Variants in MAPK4 observed in about 807,000 individuals in gnomAD.
MAPK4 encodes the protein mitogen-activated protein kinase 4.
In MAPK4, 22 loss-of-function variants were observed where a neutral mutation model predicts 47.7. The ratio of observed to expected loss-of-function variants is 0.46; its 90% confidence interval spans 0.33 to 0.66. The LOEUF is 0.66. Ranked by LOEUF, MAPK4 falls within the 30% of genes least tolerant of loss-of-function variation. The pLI is 0.02. For synonymous variants in MAPK4, 390 were observed against 365.7 expected (o/e 1.07, Z -0.76); for missense variants, 736 against 831.7 (o/e 0.88, Z 1.42).
At chr18:50,568,192 T>TC (rs1171611152) in intron 1 of MAPK4, among the ~76,000 whole-genome samples, 3 of 139,132 alleles carry the variant, frequency 2.2e-5, no homozygotes, top group Admixed American at 1.5e-4. Flanking sequence ...CCAGACGCTG[T>TC]CCCAAAAAAA....
At chr18:50,710,343 C>G (rs936577004) in intron 2 of MAPK4, among the ~76,000 whole-genome samples, 1 of 152,004 alleles carries the variant, frequency 6.6e-6, no homozygotes, top group African/African-American at 2.4e-5. Flanking sequence ...ATTAGCCAAG[C>G]GTGGTGGCGT....
chr18:50,638,184 T>C (rs918909936), intron 1 of MAPK4, among the ~76,000 whole-genome samples: 1 of 142,112 alleles, frequency 7.0e-6, no homozygotes, highest in South Asian at 2.1e-4. Context: ...TTGGGTGGAA[T>C]CTGTCTGTTT....
At chr18:50,606,130 G>A (rs1048657114) in intron 1 of MAPK4, among the ~76,000 whole-genome samples, 10 of 152,054 alleles carry the variant, frequency 6.6e-5, no homozygotes, top group Non-Finnish European at 1.3e-4. Flanking sequence ...GAATGGGAAC[G>A]TGCCCTGGAG....
At chr18:50,711,424 C>T (rs1910355174) in intron 2 of MAPK4, among the ~76,000 whole-genome samples, 1 of 152,252 alleles carries the variant, frequency 6.6e-6, no homozygotes, top group African/African-American at 2.4e-5. Flanking sequence ...AGGGGCCACT[C>T]CCATCTTGTT....
intron 2 of MAPK4, among the ~76,000 whole-genome samples, chr18:50,684,298 G>A (rs1908746519): frequency 1.3e-5 from 2 of 152,114 alleles, no homozygotes; most frequent in Non-Finnish European, 2.9e-5. Flanking sequence ...TAATCCTAGT[G>A]CTTTGGGACG....
chr18:50,608,062 C>G (rs540945977), intron 1 of MAPK4, among the ~76,000 whole-genome samples: 1 of 152,178 alleles, frequency 6.6e-6, no homozygotes, highest in Non-Finnish European at 1.5e-5. Flanking sequence ...ATACCTTTCC[C>G]TAATCAAAAA....
At chr18:50,639,902 G>T (rs896085879) in intron 1 of MAPK4, among the ~76,000 whole-genome samples, 1 of 152,162 alleles carries the variant, frequency 6.6e-6, no homozygotes, top group East Asian at 1.9e-4. Flanking sequence ...TATACTCTTC[G>T]CTCGTTAATA....
chr18:50,650,102 T>A (rs972179292), intron 1 of MAPK4, among the ~76,000 whole-genome samples: 8 of 152,224 alleles, frequency 5.3e-5, no homozygotes, highest in Non-Finnish European at 1.2e-4. Flanking sequence ...AGGATTGCAT[T>A]TGTCAAGCTA....
chr18:50,674,253 T>C (rs984314156), intron 2 of MAPK4, among the ~76,000 whole-genome samples: 4 of 152,228 alleles, frequency 2.6e-5, no homozygotes, highest in Non-Finnish European at 5.9e-5. Flanking sequence ...TAGGCAGATA[T>C]TCTTTGGTTT....
In MAPK4 at chr18:50,663,772, A is replaced by G; in HGVS notation, c.-187A>G. On this transcript the variant is annotated 5_prime_UTR_variant, in exon 2 of 6. Transcript: ENST00000400384. ...CCTGCGCCCCCAACTAGCACAGCTC[A>G]GCGAGCATGACCATATGCCATTCTC... 10 of 569,110 alleles carry G rather than the reference A, an allele frequency of 1.8e-5. No individual in the cohort carries two copies. The highest frequency in any genetic ancestry group is 9.2e-5 in the Admixed American group (3 of 32,548). The allele number at this position is 569,110 out of a possible 1,614,324, so 35.3% of individuals were successfully genotyped here. A position where few individuals can be genotyped will look rare whatever the true frequency, so the allele number is the denominator to read the frequency against.
intron 2 of MAPK4, among the ~76,000 whole-genome samples, chr18:50,685,626 C>G (rs1908837420): frequency 6.6e-6 from 1 of 152,200 alleles, no homozygotes; most frequent in African/African-American, 2.4e-5. Context: ...CTGGCATCTT[C>G]CCTTGCCACC....
intron 1 of MAPK4, among the ~76,000 whole-genome samples, chr18:50,604,946 A>G (rs2042570026): frequency 6.6e-6 from 1 of 152,226 alleles, no homozygotes; most frequent in African/African-American, 2.4e-5. Context: ...AGTGCAAGAG[A>G]CAGAGCCTTA....
intron 1 of MAPK4, among the ~76,000 whole-genome samples, chr18:50,588,344 C>G (rs2042406295): frequency 6.6e-6 from 1 of 152,130 alleles, no homozygotes; most frequent in South Asian, 2.1e-4. Context: ...CTGTGTCTAG[C>G]TTGGGCTTCC....
intron 5 of MAPK4, among the ~76,000 whole-genome samples, chr18:50,727,658 C>T (rs1300397361): frequency 6.6e-6 from 1 of 152,060 alleles, no homozygotes; most frequent in Non-Finnish European, 1.5e-5. Context: ...TAGGGTTGTG[C>T]CAGGAAAAAC....
At chr18:50,687,834 G>C (rs188672665) in intron 2 of MAPK4, among the ~76,000 whole-genome samples, 155 of 152,306 alleles carry the variant, frequency 1.0e-3, no homozygotes, top group African/African-American at 3.5e-3. Flanking sequence ...AATGCCGTCA[G>C]CTGCTCCTTT....
chr18:50,676,994 G>A (rs1237230581), intron 2 of MAPK4, among the ~76,000 whole-genome samples: 1 of 152,200 alleles, frequency 6.6e-6, no homozygotes, highest in African/African-American at 2.4e-5. Flanking sequence ...GGAGGTGAGT[G>A]GCTGGTGAGG....
At chr18:50,592,995 A>C (rs35306534) in intron 1 of MAPK4, among the ~76,000 whole-genome samples, 8,668 of 152,278 alleles carry the variant, frequency 0.057, 331 homozygotes, top group Non-Finnish European at 0.082. Context: ...TCACTAAGTC[A>C]TTCGTCCCAC....
intron 5 of MAPK4, among the ~76,000 whole-genome samples, chr18:50,726,650 C>A (rs1450456063): frequency 1.3e-5 from 2 of 152,152 alleles, no homozygotes; most frequent in East Asian, 3.8e-4. Flanking sequence ...GTAATCCCAG[C>A]ACTTTAGGAG....
At chr18:50,648,761 G>A (rs961147000) in intron 1 of MAPK4, among the ~76,000 whole-genome samples, 1 of 152,222 alleles carries the variant, frequency 6.6e-6, no homozygotes, top group South Asian at 2.1e-4. Context: ...GCATCGCCAC[G>A]ATAAGGCTTT....
Sources: gnomAD v4.1 joint callset for allele counts (sites outside exome capture counted in the v4.1 genomes callset) on GRCh38, gnomAD v4.1.1 for gene constraint, MANE v1.5 for transcripts, NCBI Gene and HGNC (gene_info 2026-07-23, HGNC 2026-07-21) for gene names.